The following TTLL3 variants were observed in gnomAD, a reference collection of about 807,000 sequenced individuals.
TTLL3 encodes tubulin tyrosine ligase like 3.
A neutral mutation model predicts 75.2 loss-of-function variants in TTLL3; 63 were observed. The ratio of observed to expected loss-of-function variants is 0.84; its 90% CI spans 0.68 to 1.03. The LOEUF (loss-of-function observed/expected upper bound fraction) is 1.03. Ranked by LOEUF, TTLL3 falls within the 50% of genes least tolerant of loss-of-function variation. The pLI, the probability that TTLL3 is intolerant of heterozygous loss-of-function variation, is 0.00. For synonymous variants in TTLL3, 393 were observed against 418.5 expected, an observed-to-expected ratio of 0.94 and a Z score of 0.74; for missense variants, 997 against 1,069.9, an observed-to-expected ratio of 0.93 and a Z score of 0.95.
At position 9,810,328 on chromosome 3, in the gene TTLL3, G is replaced by A; in HGVS notation, c.-108G>A. ...GCTGGTCCCAGGCACCCACGCCCAG[G>A]GCGCCTCGGATACCCACCCCCTCGG... On this transcript the variant is annotated 5_prime_UTR_variant, in exon 1 of 14. Coordinates refer to ENST00000685419, the MANE Select transcript of TTLL3 (RefSeq NM_001387446.1). The surrounding 1 kb of genome is among the most constrained non-coding windows in gnomAD (Gnocchi z 4.4). The A allele has an allele frequency of 6.8e-7, 1 of 1,463,280 alleles. No homozygotes were observed. Among genetic ancestry groups the A allele is most frequent in the Non-Finnish European group, 8.9e-7 (1 of 1,119,196 alleles). 90.6% of individuals were successfully genotyped at this position (1,463,280 alleles called of 1,614,324 possible).
chr3:9,823,244 T>C (rs1455233818), intron 8 of TTLL3, among the ~76,000 whole-genome samples: 2 of 151,564 alleles, frequency 1.3e-5, no homozygotes, highest in East Asian at 2.0e-4. Context: ...ATTAGCTGGG[T>C]GTGGTGGTGG....
intron 7 of TTLL3, chr3:9,819,937 A>G (rs2080255878): frequency 5.1e-6 from 5 of 985,868 alleles, no homozygotes; most frequent in South Asian, 9.4e-5. Context: ...CCTCAGTTGT[A>G]TATCAGAATC....
In TTLL3 at chr3:9,833,230, C is replaced by A. The variant is rs115917139; in HGVS notation, c.1810C>A (p.Arg604=). The change falls in exon 12 of 14, where the codon CGA becomes AGA. Residue 604 remains arginine, a synonymous_variant. Coordinates refer to ENST00000685419, the MANE Select transcript of TTLL3 (RefSeq NM_001387446.1). ...VRPAVPLLTQ[R]GSGEARHHFP... is the part of the protein sequence containing the mutation. ...CCCAGCAGTCCCTCTGCTGACCCAGCGAGGCTCTGGGGAAGGCAAGGACTC... is the reference window on the plus strand; with the variant it reads ...CCCAGCAGTCCCTCTGCTGACCCAGAGAGGCTCTGGGGAAGGCAAGGACTC... The A allele has an allele frequency of 6.2e-7, 1 of 1,613,922 alleles. No homozygotes were observed. The highest frequency in any genetic ancestry group is 8.5e-7 in the Non-Finnish European group (1 of 1,179,910).
chr3:9,820,100 G>C, intron 7 of TTLL3: 1 of 1,000,496 alleles, frequency 1.0e-6, no homozygotes, highest in Non-Finnish European at 1.2e-6. Flanking sequence ...GCTAAGGGTT[G>C]TAGCTCTGTA....
chr3:9,833,049 C>A (rs577474531), intron 11 of TTLL3, 55 bp from the exon 12 acceptor site: 1 of 1,599,606 alleles, frequency 6.3e-7, no homozygotes, highest in Non-Finnish European at 8.6e-7. Flanking sequence ...CCCGCTGGGC[C>A]AAGGATTCCA....
rs752167914 is a variant in TTLL3 at position 9,820,540 on chromosome 3, G to A, written c.659-6G>A. 6.2e-7 allele frequency: 1 copy of A among 1,613,912 alleles called. No individual in the cohort carries two copies. Among genetic ancestry groups the A allele is most frequent in the Non-Finnish European group, 8.5e-7 (1 of 1,179,912 alleles). On this transcript the variant is annotated splice_region_variant and splice_polypyrimidine_tract_variant and intron_variant, in intron 7 of 13. Coordinates refer to ENST00000685419, the MANE Select transcript of TTLL3 (RefSeq NM_001387446.1). ...GGGATCGTGACAGGCCCCTCCCTAT[G>A]TGCAGGAGACAAGCAGCCCAAGAAA... is the stretch of plus-strand genomic sequence containing the variant.
At position 9,813,314 on chromosome 3, in the gene TTLL3, T is replaced by G. The variant is rs751677626; in HGVS notation, c.284T>G (p.Phe95Cys). 4.3e-6 allele frequency: 7 copies of G among 1,614,080 alleles called. No homozygotes were observed. In the African/African-American group the frequency reaches 5.3e-5, roughly 12 times the overall value. The stretch of plus-strand genomic sequence containing the variant: ...TTCGACTTCGATGATTTACTGAAAT[T>G]TGATGACCTAGATGGAACACATGCT... Reference protein sequence around the residue: ...QLFDFDDLLKFDDLDGTHALM... With the variant: ...QLFDFDDLLKCDDLDGTHALM... The change falls in exon 4 of 14, where the codon TTT becomes TGT. Residue 95 changes from phenylalanine to cysteine, a missense_variant. Coordinates refer to ENST00000685419, the MANE Select transcript of TTLL3 (RefSeq NM_001387446.1).
At chr3:9,815,419 C>T (rs1266449125) in intron 4 of TTLL3, among the ~76,000 whole-genome samples, 3 of 152,154 alleles carry the variant, frequency 2.0e-5, no homozygotes, top group East Asian at 3.9e-4. Flanking sequence ...AATGAATTGA[C>T]GTGGAAAGTG....
At position 9,820,566 on chromosome 3, in the gene TTLL3, C is replaced by G; in HGVS notation, c.679C>G (p.Gln227Glu). 1 of 1,614,060 alleles carries G rather than the reference C, an allele frequency of 6.2e-7. No homozygotes were observed. The highest frequency in any genetic ancestry group is 8.5e-7 in the Non-Finnish European group (1 of 1,179,982). Residue 227 changes from glutamine to glutamate, a missense_variant, in exon 8 of 14, where the codon CAG becomes GAG. Coordinates refer to ENST00000685419, the MANE Select transcript of TTLL3 (RefSeq NM_001387446.1). ...TGCAGGAGACAAGCAGCCCAAGAAA[C>G]AGGAGAAAAACCCAGTGTTGGTGTC... ...EASGDKQPKK[Q>E]EKNPVLVSPE...
rs111462433 is a variant in TTLL3 at position 9,818,858 on chromosome 3, A to G, written c.596A>G (p.Lys199Arg). The G allele has an allele frequency of 2.5e-6, 4 of 1,614,158 alleles. No individual in the cohort carries two copies. In the African/African-American group the frequency reaches 4.0e-5, roughly 16 times the overall value. ...CTGACTGCTGCCCGCAACGTTCTCAAGCTGGTGGTGAAGTCTGAGTGGAAG... is the reference window on the plus strand; with the variant it reads ...CTGACTGCTGCCCGCAACGTTCTCAGGCTGGTGGTGAAGTCTGAGTGGAAG... ...FWLTAARNVL[K>R]LVVKSEWKSY... is the part of the protein sequence containing the mutation. The change falls in exon 7 of 14, where the codon AAG (lysine) becomes AGG (arginine). Residue 199 changes from lysine (K) to arginine (R), a missense_variant. Physicochemically the swap from Lys to Arg is conservative, Grantham distance 26. Coordinates refer to ENST00000685419, the MANE Select transcript of TTLL3 (RefSeq NM_001387446.1).
chr3:9,816,534 T>TTTTTTTTTTTTTTTTG (rs1559737761), intron 5 of TTLL3, among the ~76,000 whole-genome samples: 2 of 145,136 alleles, frequency 1.4e-5, no homozygotes, highest in Admixed American at 6.9e-5. Flanking sequence ...TTTTTTTTTT[T>TTTTTTTTTTTTTTTTG]GAGACAGAGT....
At position 9,835,593 on chromosome 3, in the gene TTLL3, T is replaced by A; in HGVS notation, c.*104T>A. On this transcript the variant is annotated 3_prime_UTR_variant, in exon 14 of 14. Transcript: ENST00000685419. Reference sequence around the variant, plus strand: ...TCCCCCAGCATCTCCGATCCAGGGGTGGGGAGCGTGAGCCTTCACTTTACA... The same window carrying A: ...TCCCCCAGCATCTCCGATCCAGGGGAGGGGAGCGTGAGCCTTCACTTTACA... 8.6e-7 allele frequency: 1 copy of A among 1,166,172 alleles called. No homozygotes were observed. Among genetic ancestry groups the A allele is most frequent in the Non-Finnish European group, 1.2e-6 (1 of 835,598 alleles). 72.2% of individuals were successfully genotyped at this position (1,166,172 alleles called of 1,614,324 possible).
At chr3:9,824,518 C>T (rs1271318581) in intron 8 of TTLL3, among the ~76,000 whole-genome samples, 1 of 150,946 alleles carries the variant, frequency 6.6e-6, no homozygotes, top group Admixed American at 6.6e-5. Context: ...TGAAGTGATT[C>T]TCCTGCCTCA....
chr3:9,810,464 G>A lies in TTLL3; in HGVS notation c.-42+70G>A, dbSNP rs9827444. Reference sequence around the variant, plus strand: ...AGGACGACAAGACGCTGGGGTGGAGGGACTGGGGGTCGGGAGAAGAGCGGC... The same window carrying A: ...AGGACGACAAGACGCTGGGGTGGAGAGACTGGGGGTCGGGAGAAGAGCGGC... On this transcript the variant is annotated intron_variant, in intron 1 of 13. Transcript: ENST00000685419. This position sits in a 1 kb window ranked among gnomAD's most constrained non-coding sequence, Gnocchi z 4.4. 663,119 of 1,436,708 alleles carry A rather than the reference G, an allele frequency of 0.46. 159,063 individuals are homozygous for A. The highest frequency in any genetic ancestry group is 0.5 in the Non-Finnish European group (544,697 of 1,098,056). 89.0% of individuals were successfully genotyped at this position (1,436,708 alleles called of 1,614,324 possible).
At chr3:9,817,795 G>T in intron 6 of TTLL3, 36 bp downstream of exon 6, 1 of 1,613,536 alleles carries the variant, frequency 6.2e-7, no homozygotes, top group Non-Finnish European at 8.5e-7. Context: ...TGAACCTCAG[G>T]CTGACAGAGC....
At position 9,810,379 on chromosome 3, in the gene TTLL3, C is replaced by A; in HGVS notation, c.-57C>A. 4 of 1,328,430 alleles carry A rather than the reference C, an allele frequency of 3.0e-6. No homozygotes were observed. The allele number at this position is 1,328,430 out of a possible 1,614,324, so 82.3% of individuals were successfully genotyped here. A position where few individuals can be genotyped will look rare whatever the true frequency, so the allele number is the denominator to read the frequency against. On this transcript the variant is annotated 5_prime_UTR_variant, in exon 1 of 14. Transcript: ENST00000685419. This position sits in a 1 kb window ranked among gnomAD's most constrained non-coding sequence, Gnocchi z 4.4. Reference sequence around the variant, plus strand: ...CCCCCCGCACACCCCGGTCCTCGACCCCTCTCCGCAGGATGGTGAGGCCCG... The same window carrying A: ...CCCCCCGCACACCCCGGTCCTCGACACCTCTCCGCAGGATGGTGAGGCCCG...
Position 9,829,073 on chromosome 3 carries a change from T to G in TTLL3, c.1361T>G (p.Leu454Arg), listed in dbSNP as rs1191937801. 1 of 1,614,154 alleles carries G rather than the reference T, an allele frequency of 6.2e-7. No homozygotes were observed. Among genetic ancestry groups the G allele is most frequent in the Non-Finnish European group, 8.5e-7 (1 of 1,180,056 alleles). The change falls in exon 11 of 14, where the codon CTG (leucine) becomes CGG (arginine). Residue 454 changes from leucine (L) to arginine (R), a missense_variant. By Grantham distance (102) the Leu-to-Arg change is moderately radical. Coordinates refer to ENST00000685419, the MANE Select transcript of TTLL3 (RefSeq NM_001387446.1). The stretch of plus-strand genomic sequence containing the variant: ...TCTAGCCAGAGGTTCCAGGCCCACC[T>G]GCAGGAGATGGGTGCCCCAAATGCT... ...MWSSQRFQAH[L>R]QEMGAPNAWS... is the part of the protein sequence containing the mutation.
At chr3:9,812,375 C>T (rs767196369) in intron 2 of TTLL3, among the ~76,000 whole-genome samples, 9 of 152,078 alleles carry the variant, frequency 5.9e-5, no homozygotes, top group Non-Finnish European at 8.8e-5. Flanking sequence ...ATTAGCCGGG[C>T]GCAGTGGCAC....
chr3:9,809,965 C>CGGGATCAGGGGCCCTGGGAGGGCGGGCGA, upstream of TTLL3: 2 of 1,293,838 alleles, frequency 1.5e-6, no homozygotes, highest in East Asian at 3.2e-5. Flanking sequence ...CGGAGGGGCG[C>CGGGATCAGGGGCCCTGGGAGGGCGGGCGA]GGGATCAGGG....
Sources: allele counts gnomAD v4.1 joint callset (sites outside exome capture counted in the v4.1 genomes callset), GRCh38; gene constraint gnomAD v4.1.1; non-coding constraint Gnocchi (gnomAD v3.1); transcripts MANE v1.5; gene names NCBI Gene and HGNC (gene_info 2026-07-23, HGNC 2026-07-21).